SLC35F3: variants seen among roughly 807,000 people sequenced by gnomAD.
SLC35F3 encodes the protein solute carrier family 35 member F3, also known as putative thiamine transporter SLC35F3.
SLC35F3 carries 25 observed loss-of-function variants against 49.9 expected under a neutral mutation model. The observed-to-expected ratio is 0.50, with a 90% CI of 0.37 to 0.70. SLC35F3 has a LOEUF of 0.70. Among genes scored for constraint, SLC35F3 ranks in the 30% least tolerant of loss-of-function variants. The probability of loss-of-function intolerance (pLI) is 0.00; values close to 1 mark genes in which losing one functional copy is unlikely to be tolerated. For synonymous variants in SLC35F3, 275 were observed against 265.4 expected (o/e 1.04, Z -0.35); for missense variants, 525 against 639.8 (o/e 0.82, Z 1.94).
At chr1:233,924,420 G>T (rs1662121565) in intron 2 of SLC35F3, among the ~76,000 whole-genome samples, 1 of 152,168 alleles carries the variant, frequency 6.6e-6, no homozygotes, top group African/African-American at 2.4e-5. Context: ...AGATTTTCTA[G>T]TTTATTTGCA....
chr1:234,076,264 C>T (rs1231261274), intron 2 of SLC35F3, among the ~76,000 whole-genome samples: 1 of 151,020 alleles, frequency 6.6e-6, no homozygotes, highest in African/African-American at 2.4e-5. Context: ...CCCATTAATT[C>T]TGAGAGGATA....
At chr1:234,040,063 G>C (rs551988131) in intron 2 of SLC35F3, among the ~76,000 whole-genome samples, 1 of 152,300 alleles carries the variant, frequency 6.6e-6, no homozygotes, top group East Asian at 1.9e-4. Context: ...TGACATGGAT[G>C]AATTGAATAA....
chr1:234,250,769 G>C (rs1667725496), intron 3 of SLC35F3, among the ~76,000 whole-genome samples: 1 of 152,152 alleles, frequency 6.6e-6, no homozygotes, highest in Admixed American at 6.5e-5. Flanking sequence ...ACTCATGATG[G>C]AAGGTGAAGC....
At chr1:233,920,544 C>G (rs1328386576) in intron 2 of SLC35F3, among the ~76,000 whole-genome samples, 2 of 152,232 alleles carry the variant, frequency 1.3e-5, no homozygotes, top group African/African-American at 4.8e-5. Context: ...TCCTGACGGA[C>G]AAACTCTAAG....
intron 3 of SLC35F3, among the ~76,000 whole-genome samples, chr1:234,300,466 T>TA (rs1325927327): frequency 6.6e-6 from 1 of 152,242 alleles, no homozygotes; most frequent in East Asian, 1.9e-4. Flanking sequence ...ATGCATTCTG[T>TA]AAAAAATTAT....
intron 2 of SLC35F3, among the ~76,000 whole-genome samples, chr1:234,022,842 A>G (rs1243899655): frequency 6.6e-6 from 1 of 152,192 alleles, no homozygotes; most frequent in African/African-American, 2.4e-5. Flanking sequence ...AATAAGATAT[A>G]TTTAGTGAGT....
intron 2 of SLC35F3, among the ~76,000 whole-genome samples, chr1:234,092,142 A>G (rs936038027): frequency 6.6e-6 from 1 of 152,222 alleles, no homozygotes; most frequent in African/African-American, 2.4e-5. Flanking sequence ...ACACACCCAG[A>G]GGGAAGTTTC....
At chr1:234,302,690 C>T (rs1668711664) in intron 3 of SLC35F3, among the ~76,000 whole-genome samples, 1 of 152,108 alleles carries the variant, frequency 6.6e-6, no homozygotes, top group Non-Finnish European at 1.5e-5. Flanking sequence ...CCGCTACTAA[C>T]ATCTGTTTGA....
intron 2 of SLC35F3, among the ~76,000 whole-genome samples, chr1:234,084,848 C>T (rs891854358): frequency 6.6e-6 from 1 of 152,162 alleles, no homozygotes; most frequent in African/African-American, 2.4e-5. Flanking sequence ...GAGCACCTCC[C>T]TGGATTTGTT....
chr1:234,135,186 A>C (rs994307585), intron 2 of SLC35F3, among the ~76,000 whole-genome samples: 3 of 152,230 alleles, frequency 2.0e-5, no homozygotes, highest in African/African-American at 7.2e-5. Context: ...TACAGTGAAC[A>C]GCTAGCCCAA....
At chr1:234,160,823 A>G (rs750384887) in intron 2 of SLC35F3, among the ~76,000 whole-genome samples, 1 of 152,194 alleles carries the variant, frequency 6.6e-6, no homozygotes, top group Admixed American at 6.5e-5. Flanking sequence ...CCAAGTGTAC[A>G]TGTCATGCAT....
At chr1:234,315,956 T>C (rs1163409822) in intron 4 of SLC35F3, among the ~76,000 whole-genome samples, 1 of 152,198 alleles carries the variant, frequency 6.6e-6, no homozygotes, top group Non-Finnish European at 1.5e-5. Flanking sequence ...ATCTGAGAAG[T>C]CAGCATCAGG....
At chr1:234,074,435 C>G (rs1324668500) in intron 2 of SLC35F3, among the ~76,000 whole-genome samples, 1 of 152,170 alleles carries the variant, frequency 6.6e-6, no homozygotes, top group African/African-American at 2.4e-5. Flanking sequence ...ATATTGAAAA[C>G]ACAAATGACA....
chr1:234,010,155 T>A (rs1350430610), intron 2 of SLC35F3, among the ~76,000 whole-genome samples: 1 of 152,168 alleles, frequency 6.6e-6, no homozygotes, highest in African/African-American at 2.4e-5. Context: ...TTAAAGCAAT[T>A]GTGGATAAAA....
chr1:234,314,724 T>G (rs1445705873), intron 4 of SLC35F3, among the ~76,000 whole-genome samples: 1 of 152,202 alleles, frequency 6.6e-6, no homozygotes, highest in Non-Finnish European at 1.5e-5. Flanking sequence ...GTAGTGCCAT[T>G]GCACTCCAAC....
chr1:234,315,189 C>T (rs1441624575), intron 4 of SLC35F3, among the ~76,000 whole-genome samples: 1 of 152,190 alleles, frequency 6.6e-6, no homozygotes, highest in African/African-American at 2.4e-5. Flanking sequence ...TCTTACACGA[C>T]AACCACCTGC....
At chr1:234,075,793 A>C (rs911441903) in intron 2 of SLC35F3, among the ~76,000 whole-genome samples, 3 of 150,668 alleles carry the variant, frequency 2.0e-5, no homozygotes, top group African/African-American at 7.4e-5. Context: ...GTAGCTACAG[A>C]TAAAAGGTTA....
intron 2 of SLC35F3, among the ~76,000 whole-genome samples, chr1:233,972,647 CATT>C (rs1663014269): frequency 6.7e-6 from 1 of 150,038 alleles, no homozygotes; most frequent in Admixed American, 6.6e-5. Flanking sequence ...TGGTTATTAT[CATT>C]ATCATCATCA....
chr1:233,933,976 A>G (rs1344293013), intron 2 of SLC35F3, among the ~76,000 whole-genome samples: 1 of 152,122 alleles, frequency 6.6e-6, no homozygotes, highest in Non-Finnish European at 1.5e-5. Flanking sequence ...TTTTGAGGCT[A>G]TTCACTCCTC....
Sources: allele counts gnomAD v4.1 joint callset (sites outside exome capture counted in the v4.1 genomes callset), GRCh38; gene constraint gnomAD v4.1.1; transcripts MANE v1.5; gene names NCBI Gene and HGNC (gene_info 2026-07-23, HGNC 2026-07-21).